Variants in CSN2 observed in about 807,000 individuals in gnomAD.
CSN2 encodes casein beta.
CSN2 carries 27 observed loss-of-function variants against 27.3 expected under a neutral mutation model. The observed-to-expected ratio is 0.99, with a 90% CI of 0.73 to 1.36. CSN2 has a LOEUF of 1.36. Among genes scored for constraint, CSN2 ranks in the 40% most tolerant of loss-of-function variants. CSN2 has a pLI of 0.00. For synonymous variants in CSN2, 131 were observed against 94.8 expected, an observed-to-expected ratio of 1.38 and a Z score of -2.22; for missense variants, 333 against 264.5, an observed-to-expected ratio of 1.26 and a Z score of -1.80.
chr4:69,959,149 T>C, intron 3 of CSN2, 80 bp from the exon 4 acceptor site: 1 of 972,268 alleles, frequency 1.0e-6, no homozygotes, highest in Non-Finnish European at 1.5e-6. Context: ...ATAAAGGCAT[T>C]AATTCTTTGA....
In CSN2 at chr4:69,960,054, T is replaced by A; in HGVS notation, c.77A>T (p.Glu26Val). The change falls in exon 3 of 8, where the codon GAG becomes GTG. Residue 26 changes from glutamate to valine, a missense_variant and splice_region_variant. Physicochemically the swap from Glu to Val is moderately radical, Grantham distance 121. Coordinates refer to ENST00000353151, the MANE Select transcript of CSN2 (RefSeq NM_001891.4). ...RETIESLSSS[E>V]ESITEYKQKV... The stretch of plus-strand genomic sequence containing the variant: ...AAATTGGGTAGAATGTTAACTTACC[T>A]CACTGCTTGAAAGGCTTTCTATGGT... The A allele has an allele frequency of 1.2e-6, 2 of 1,611,722 alleles. No individual in the cohort carries two copies. The highest frequency in any genetic ancestry group is 1.7e-6 in the Non-Finnish European group (2 of 1,178,578).
In CSN2 at chr4:69,961,026, T is replaced by C. The variant is rs752588082; in HGVS notation, c.-12-19A>G. 1.3e-6 allele frequency: 2 copies of C among 1,584,236 alleles called. No homozygotes were observed. The highest frequency in any genetic ancestry group is 1.1e-5 in the South Asian group (1 of 90,220). On this transcript the variant is annotated intron_variant, in intron 1 of 7. Coordinates refer to ENST00000353151, the MANE Select transcript of CSN2 (RefSeq NM_001891.4). ...CTAAGTCCTGTGAATGTAGAAAAAA[T>C]GGAATGGTGGAAGATTGGTCAATTG...
At chr4:69,957,243 G>A (rs765554558) in intron 6 of CSN2, 31 bp downstream of exon 6, 12 of 1,502,926 alleles carry the variant, frequency 8.0e-6, no homozygotes, top group Non-Finnish European at 3.6e-6. Context: ...CATCTTGAAT[G>A]AAACAGCAAA....
intron 6 of CSN2, among the ~76,000 whole-genome samples, chr4:69,956,976 G>A (rs1159929148): frequency 6.6e-6 from 1 of 152,004 alleles, no homozygotes; most frequent in Non-Finnish European, 1.5e-5. Flanking sequence ...ACACAGGAAG[G>A]GGAACATCAC....
chr4:69,963,748 C>A (rs776863), intron 1 of CSN2, among the ~76,000 whole-genome samples: 71,690 of 151,846 alleles, frequency 0.47, 17,558 homozygotes, highest in African/African-American at 0.61. Context: ...ATAATAATTT[C>A]AAAAGACAAA....
chr4:69,957,835 C>T, intron 5 of CSN2, 31 bp from the exon 6 acceptor site: 1 of 1,562,278 alleles, frequency 6.4e-7, no homozygotes, highest in Non-Finnish European at 8.7e-7. Context: ...TCTTTGAGTC[C>T]TTGATTAAGC....
At chr4:69,965,406 TACTA>T (rs1311055173) in intron 1 of CSN2, among the ~76,000 whole-genome samples, 44 of 72,832 alleles carry the variant, frequency 6.0e-4, no homozygotes, top group African/African-American at 2.5e-3. Flanking sequence ...ACTAGCCTCA[TACTA>T]TATATATATA....
intron 1 of CSN2, among the ~76,000 whole-genome samples, chr4:69,962,478 A>G (rs1723628682): frequency 6.6e-6 from 1 of 152,194 alleles, no homozygotes; most frequent in South Asian, 2.1e-4. Context: ...AAAACAAGCA[A>G]TGGGGAAAGG....
At chr4:69,960,437 TAAAAG>T (rs925150959) in intron 2 of CSN2, among the ~76,000 whole-genome samples, 22 of 150,922 alleles carry the variant, frequency 1.5e-4, no homozygotes, top group African/African-American at 3.1e-4. Flanking sequence ...TTTTTATGGG[TAAAAG>T]AAGAGTCACT....
chr4:69,958,976 G>T lies in CSN2; in HGVS notation c.100-23C>A, dbSNP rs767495774. 1.5e-5 allele frequency: 24 copies of T among 1,578,406 alleles called. No homozygotes were observed. In the East Asian group the frequency reaches 5.4e-4, roughly 36 times the overall value. ...CTGCTAAAGATATATCATATATAAA[G>T]ATATGTTACCATCTGTAAAGATTAA... On this transcript the variant is annotated intron_variant, in intron 4 of 7. Coordinates refer to ENST00000353151, the MANE Select transcript of CSN2 (RefSeq NM_001891.4).
intron 6 of CSN2, among the ~76,000 whole-genome samples, 176 bp from the exon 7 acceptor site, chr4:69,956,531 T>C (rs144930355): frequency 1.5e-3 from 230 of 151,906 alleles, no homozygotes; most frequent in African/African-American, 4.8e-3. Context: ...AATAAATAAA[T>C]AACCTCTTAG....
intron 6 of CSN2, among the ~76,000 whole-genome samples, chr4:69,956,779 C>G (rs1723409744): frequency 6.6e-6 from 1 of 152,078 alleles, no homozygotes; most frequent in Non-Finnish European, 1.5e-5. Context: ...TCTCAACAGA[C>G]TAATTAAACC....
intron 3 of CSN2, 25 bp from the exon 4 acceptor site, chr4:69,959,094 T>A: frequency 1.6e-6 from 2 of 1,286,344 alleles, no homozygotes; most frequent in Non-Finnish European, 2.2e-6. Flanking sequence ...AAAATAAAAT[T>A]AGGTTTAGTT....
intron 1 of CSN2, among the ~76,000 whole-genome samples, 167 bp from the exon 2 acceptor site, chr4:69,961,174 C>G (rs1459327898): frequency 6.6e-6 from 1 of 151,828 alleles, no homozygotes; most frequent in African/African-American, 2.4e-5. Flanking sequence ...GAAGTTATAT[C>G]ACATGAAGGA....
At chr4:69,958,837 A>G (rs1216187312) in intron 5 of CSN2, 72 bp downstream of exon 5, 2 of 949,748 alleles carry the variant, frequency 2.1e-6, no homozygotes, top group Non-Finnish European at 3.1e-6. Context: ...ATCAACATAC[A>G]CATTATAAAT....
At position 69,959,227 on chromosome 4, in the gene CSN2, T is replaced by C. The variant is rs528008326; in HGVS notation, c.79-158A>G. Among the ~76,000 whole-genome samples the C allele has an allele frequency of 5.3e-5, 8 of 152,158 alleles. No individual in the cohort carries two copies. In the East Asian group the frequency reaches 1.5e-3, roughly 29 times the overall value. On this transcript the variant is annotated intron_variant, in intron 3 of 7. Transcript: ENST00000353151. ...TAAACTGTTCTATATGAGCTTGTTATGTAAAAGAAAGTCAGATGAATGCAG... is the reference window on the plus strand; with the variant it reads ...TAAACTGTTCTATATGAGCTTGTTACGTAAAAGAAAGTCAGATGAATGCAG...
chr4:69,958,929 C>T lies in CSN2; in HGVS notation c.124G>A (p.Glu42Lys). Residue 42 changes from glutamate to lysine, a missense_variant, in exon 5 of 8, where the codon GAG (glutamate) becomes AAG (lysine). Glu to Lys is a moderately conservative substitution (Grantham distance 56, BLOSUM62 1). Coordinates refer to ENST00000353151, the MANE Select transcript of CSN2 (RefSeq NM_001891.4). Reference protein sequence around the residue: ...YKQKVEKVKHEDQQQGEDEHQ... With the variant: ...YKQKVEKVKHKDQQQGEDEHQ... ...ATTACCTCTCCTTGCTGCTGGTCCT[C>T]ATGTTTAACCTTCTCAACTTTCTGC... 6.3e-7 allele frequency: 1 copy of T among 1,595,980 alleles called. No homozygotes were observed. Among genetic ancestry groups the T allele is most frequent in the Non-Finnish European group, 8.6e-7 (1 of 1,167,310 alleles).
intron 6 of CSN2, among the ~76,000 whole-genome samples, chr4:69,956,914 A>T (rs1723413636): frequency 6.6e-6 from 1 of 152,088 alleles, no homozygotes; most frequent in African/African-American, 2.4e-5. Context: ...TCTCCAGGTG[A>T]TTCTATTGTA....
rs201625212 is a variant in CSN2, at chr4:69,960,985, A to G, written c.11T>C (p.Leu4Pro). 7.3e-5 allele frequency: 117 copies of G among 1,612,794 alleles called. No homozygotes were observed. The highest frequency in any genetic ancestry group is 8.8e-5 in the Non-Finnish European group (104 of 1,179,242). The change falls in exon 2 of 8, where the codon CTC becomes CCC. Residue 4 changes from leucine to proline, a missense_variant. Leu to Pro is a moderately conservative substitution (Grantham distance 98). Transcript: ENST00000353151. The part of the protein sequence containing the change: MKV[L>P]ILACLVALAL... The stretch of plus-strand genomic sequence containing the variant: ...AAGAGCCACCAGGCAGGCGAGGATG[A>G]GGACCTTCATGGCTACTAAGTCCTG...
Sources: gnomAD v4.1 joint callset for allele counts (sites outside exome capture counted in the v4.1 genomes callset) on GRCh38, gnomAD v4.1.1 for gene constraint, MANE v1.5 for transcripts, NCBI Gene and HGNC (gene_info 2026-07-23, HGNC 2026-07-21) for gene names.